Variants in PCDHA8 observed in about 807,000 individuals in gnomAD.
PCDHA8 encodes the protein protocadherin alpha-8.
In PCDHA8, 53 loss-of-function variants were observed where a neutral mutation model predicts 61.8. The ratio of observed to expected loss-of-function variants is 0.86; its 90% CI spans 0.69 to 1.08. The LOEUF is 1.08. Among genes scored for constraint, PCDHA8 ranks in the 50% least tolerant of loss-of-function variants. PCDHA8 has a pLI of 0.00. For missense variants in PCDHA8, 1,293 were observed against 1,245.0 expected (o/e 1.04, Z -0.58); for synonymous variants, 618 against 556.6 (o/e 1.11, Z -1.55).
In PCDHA8 at chr5:140,841,491, C is replaced by G; in HGVS notation, c.170C>G (p.Ala57Gly). Residue 57 changes from alanine to glycine, a missense_variant, in exon 1 of 4, where the codon GCG becomes GGG. Transcript: ENST00000531613. Reference sequence around the variant, plus strand: ...GCGCAGGACCTGGGGCTGGAGCTGGCGGAGCTGGTGCCGCGCCTGTTCCGG... The same window carrying G: ...GCGCAGGACCTGGGGCTGGAGCTGGGGGAGCTGGTGCCGCGCCTGTTCCGG... ...RIAQDLGLEL[A>G]ELVPRLFRVA... 1 of 1,613,066 alleles carries G rather than the reference C, an allele frequency of 6.2e-7. No individual in the cohort carries two copies. Among genetic ancestry groups the G allele is most frequent in the Non-Finnish European group, 8.5e-7 (1 of 1,179,908 alleles).
intron 1 of PCDHA8, chr5:140,968,321 A>G: frequency 6.2e-7 from 1 of 1,613,834 alleles, no homozygotes; most frequent in Non-Finnish European, 8.5e-7. Flanking sequence ...GCTGCCAGTC[A>G]CCTCCTATGT....
chr5:140,937,964 A>G (rs1298140144), intron 1 of PCDHA8, among the ~76,000 whole-genome samples: 1 of 152,164 alleles, frequency 6.6e-6, no homozygotes, highest in East Asian at 1.9e-4. Flanking sequence ...GAAAGTATAT[A>G]GAAATAATAC....
At chr5:140,937,085 T>G (rs1386368270) in intron 1 of PCDHA8, among the ~76,000 whole-genome samples, 2 of 150,536 alleles carry the variant, frequency 1.3e-5, no homozygotes, top group African/African-American at 4.9e-5. Context: ...TCGCCCAGGC[T>G]GGAGTGCAGT....
At chr5:140,925,545 T>C (rs2082554124) in intron 1 of PCDHA8, among the ~76,000 whole-genome samples, 1 of 151,896 alleles carries the variant, frequency 6.6e-6, no homozygotes, top group Non-Finnish European at 1.5e-5. Flanking sequence ...ATACCTAATG[T>C]AAATGACAAG....
chr5:140,843,177 G>C lies in PCDHA8; in HGVS notation c.1856G>C (p.Arg619Pro). ...CTGCAGCCAGCTGCAAGCAGCCCTC[G>C]CATCCCGTTCCGCGTGGGGCTGTAC... ...YELQPAASSP[R>P]IPFRVGLYTG... Residue 619 changes from arginine (R) to proline (P), a missense_variant, in exon 1 of 4, where the codon CGC (arginine) becomes CCC (proline). Physicochemically the swap from Arg to Pro is moderately radical, Grantham distance 103. Transcript: ENST00000531613. 3.1e-6 allele frequency: 5 copies of C among 1,596,056 alleles called. 2 individuals are homozygous for C. Among genetic ancestry groups the C allele is most frequent in the Non-Finnish European group, 4.3e-6 (5 of 1,165,590 alleles).
At chr5:140,918,007 G>C (rs1313004826) in intron 1 of PCDHA8, among the ~76,000 whole-genome samples, 1 of 151,954 alleles carries the variant, frequency 6.6e-6, no homozygotes, top group Non-Finnish European at 1.5e-5. Context: ...TAACAATGTT[G>C]TTTCTTCCTA....
intron 1 of PCDHA8, among the ~76,000 whole-genome samples, chr5:140,910,407 C>T (rs781871391): frequency 6.6e-6 from 1 of 152,134 alleles, no homozygotes; most frequent in Non-Finnish European, 1.5e-5. Context: ...CCTGCCACCT[C>T]GAGATCCAAT....
chr5:140,941,211 CTTCCTTTCTTTCTTTCTTT>C (rs1563185577), intron 1 of PCDHA8, among the ~76,000 whole-genome samples: 1,494 of 129,708 alleles, frequency 0.012, 26 homozygotes, highest in African/African-American at 0.041. Flanking sequence ...TCCTTTCTTT[CTTCCTTTCTTTCTTTCTTT>C]CTTTCTTTCT....
chr5:140,877,091 C>A, intron 1 of PCDHA8: 1 of 1,613,252 alleles, frequency 6.2e-7, no homozygotes. Flanking sequence ...GCGCGCGACG[C>A]CGGCGTGCCG....
intron 1 of PCDHA8, among the ~76,000 whole-genome samples, chr5:140,941,845 C>T (rs2093180727): frequency 6.6e-6 from 1 of 152,160 alleles, no homozygotes. Context: ...GCTGCCATTA[C>T]CTGATATTCC....
intron 1 of PCDHA8, chr5:140,926,754 C>T: frequency 1.6e-6 from 2 of 1,283,492 alleles, no homozygotes; most frequent in Non-Finnish European, 2.0e-6. Flanking sequence ...TCGGCGGTCG[C>T]TGAGTATCCA....
intron 1 of PCDHA8, chr5:140,882,118 T>G: frequency 1.4e-6 from 2 of 1,431,994 alleles, no homozygotes; most frequent in Non-Finnish European, 9.4e-7. Context: ...AAGCCGCCGT[T>G]TCTTTCTTCC....
intron 1 of PCDHA8, among the ~76,000 whole-genome samples, chr5:140,962,378 G>A (rs184607177): frequency 2.1e-3 from 316 of 152,286 alleles, no homozygotes; most frequent in African/African-American, 7.3e-3. Context: ...GATTTTATCT[G>A]TTAATATTAC....
At chr5:140,848,357 T>G in intron 1 of PCDHA8, 2 of 1,035,378 alleles carry the variant, frequency 1.9e-6, no homozygotes, top group Non-Finnish European at 2.9e-6. Flanking sequence ...CCTTTTCCCA[T>G]GGGAAAGAGG....
chr5:140,975,099 A>G (rs540357854), intron 1 of PCDHA8, among the ~76,000 whole-genome samples: 1 of 152,152 alleles, frequency 6.6e-6, no homozygotes, highest in Non-Finnish European at 1.5e-5. Flanking sequence ...TTGTTTGGGG[A>G]CTGAGATCTC....
At chr5:140,878,689 AT>A (rs1582445250) in intron 1 of PCDHA8, among the ~76,000 whole-genome samples, 1 of 152,246 alleles carries the variant, frequency 6.6e-6, no homozygotes, top group Admixed American at 6.5e-5. Flanking sequence ...AAAGTCTTAC[AT>A]ACCCCAGCCT....
chr5:140,849,995 C>A lies in PCDHA8; in HGVS notation c.2394+6280C>A, dbSNP rs2150462177. ...ACTCGCTGGTGGAGCGGCGGTTGGG[C>A]GAGCGCTCGCTGTCGAGCTACGTGT... On this transcript the variant is annotated intron_variant, in intron 1 of 3. Transcript: ENST00000531613. 5.0e-6 allele frequency: 8 copies of A among 1,597,088 alleles called. 1 individual carries two copies. The East Asian group carries it at 1.3e-4, about 27-fold the overall frequency.
chr5:140,882,309 T>C (rs745321942), intron 1 of PCDHA8: 1 of 1,614,090 alleles, frequency 6.2e-7, no homozygotes, highest in Non-Finnish European at 8.5e-7. Flanking sequence ...CCGCGGCAAC[T>C]ACTGCTCTGG....
intron 1 of PCDHA8, among the ~76,000 whole-genome samples, chr5:140,921,714 C>T (rs942328848): frequency 2.0e-5 from 3 of 152,046 alleles, no homozygotes; most frequent in South Asian, 2.1e-4. Context: ...AGTAAACACA[C>T]GAATTACTCC....
Sources: allele counts gnomAD v4.1 joint callset (sites outside exome capture counted in the v4.1 genomes callset), GRCh38; gene constraint gnomAD v4.1.1; transcripts MANE v1.5; gene names NCBI Gene and HGNC (gene_info 2026-07-23, HGNC 2026-07-21).